Variants in DTNA observed in about 807,000 individuals in gnomAD.
The protein encoded by DTNA is dystrobrevin alpha, also known as dystrophin-related protein 3.
In DTNA, 43 loss-of-function variants were observed where a neutral mutation model predicts 100.7. The ratio of observed to expected loss-of-function variants is 0.43; its 90% CI spans 0.33 to 0.55. The LOEUF is 0.55. DTNA is among the 20% of genes least tolerant of loss of function. The pLI, the probability that DTNA is intolerant of heterozygous loss-of-function variation, is 0.04. For missense variants in DTNA, 798 were observed against 953.9 expected (o/e 0.84, Z 2.15); for synonymous variants, 349 against 347.9 (o/e 1.00, Z -0.04).
At chr18:34,633,481 G>C (rs939225133) in intron 1 of DTNA, among the ~76,000 whole-genome samples, 1 of 151,974 alleles carries the variant, frequency 6.6e-6, no homozygotes, top group Non-Finnish European at 1.5e-5. Context: ...ACTGAATAAG[G>C]GATGTTACAA....
Position 34,650,519 on chromosome 18 carries a change from A to G in DTNA, c.-1-105457A>G, listed in dbSNP as rs566115724. Among the ~76,000 whole-genome samples, 4 of 152,172 alleles carry G rather than the reference A, an allele frequency of 2.6e-5. No individual in the cohort carries two copies. In the South Asian group the frequency reaches 8.3e-4, roughly 32 times the overall value. Reference sequence around the variant, plus strand: ...GGAAATTAGATCCTTTCCTTTTTCGACACTGTTAATCATCGTTTGAATTTG... The same window carrying G: ...GGAAATTAGATCCTTTCCTTTTTCGGCACTGTTAATCATCGTTTGAATTTG... On this transcript the variant is annotated intron_variant, in intron 1 of 19. Transcript: ENST00000283365.
At chr18:34,810,430 G>A (rs755101182) in intron 5 of DTNA, among the ~76,000 whole-genome samples, 6 of 151,642 alleles carry the variant, frequency 4.0e-5, no homozygotes, top group Non-Finnish European at 1.5e-5. Flanking sequence ...AATAAGTCAC[G>A]CACGGAAAGA....
chr18:34,617,620 C>T lies in DTNA; in HGVS notation c.-2+124106C>T, dbSNP rs116555647. 6.4e-3 allele frequency among the ~76,000 whole-genome samples: 977 copies of T among 152,152 alleles called. 7 individuals are homozygous for T. Among genetic ancestry groups the T allele is most frequent in the African/African-American group, 0.023 (940 of 41,508 alleles). ...GCGTCTTTGCCAGGTTTTGGTATCA[C>T]GATGATGCTGGTCTCACAGAATGAA... On this transcript the variant is annotated intron_variant, in intron 1 of 19. Transcript: ENST00000283365.
intron 1 of DTNA, among the ~76,000 whole-genome samples, chr18:34,727,180 G>C (rs543415113): frequency 6.6e-6 from 1 of 152,328 alleles, no homozygotes; most frequent in African/African-American, 2.4e-5. Context: ...AGGGCAGCAG[G>C]GTCCTGGGCC....
intron 1 of DTNA, among the ~76,000 whole-genome samples, chr18:34,544,830 C>T (rs561038598): frequency 6.6e-6 from 1 of 151,794 alleles, no homozygotes; most frequent in South Asian, 2.1e-4. Flanking sequence ...AGCCTGGAGA[C>T]TTGCAATGGG....
chr18:34,665,692 C>T lies in DTNA; in HGVS notation c.-1-90284C>T, dbSNP rs549399054. 1.4e-4 allele frequency among the ~76,000 whole-genome samples: 22 copies of T among 152,148 alleles called. No homozygotes were observed. The South Asian group carries it at 2.7e-3, about 19-fold the overall frequency. ...TGCAGTGTTTGGTTTTTTGTCCTTG[C>T]GATAGTTTGCTGAGAATGATGGTTT... On this transcript the variant is annotated intron_variant, in intron 1 of 19. Coordinates refer to the DTNA transcript ENST00000283365.
At chr18:34,525,769 C>T (rs1042555125) in intron 1 of DTNA, among the ~76,000 whole-genome samples, 1 of 152,030 alleles carries the variant, frequency 6.6e-6, no homozygotes, top group African/African-American at 2.4e-5. Flanking sequence ...GAGAATGTGA[C>T]CTATTTGGAC....
chr18:34,668,129 C>T (rs978013932), intron 1 of DTNA, among the ~76,000 whole-genome samples: 28 of 152,146 alleles, frequency 1.8e-4, no homozygotes, highest in Non-Finnish European at 1.8e-4. Flanking sequence ...TTCAGAGATT[C>T]AGCTTCTTCC....
upstream of DTNA, among the ~76,000 whole-genome samples, chr18:34,710,056 A>G (rs2082608015): frequency 6.6e-6 from 1 of 152,186 alleles, no homozygotes; most frequent in Admixed American, 6.5e-5. Flanking sequence ...GTTAGTTGGG[A>G]AACCTTTTAT....
At chr18:34,759,739 T>C (rs923855147) in intron 2 of DTNA, among the ~76,000 whole-genome samples, 3 of 152,222 alleles carry the variant, frequency 2.0e-5, no homozygotes, top group Non-Finnish European at 2.9e-5. Flanking sequence ...TGGAGTGCAG[T>C]GGCGCGATCT....
chr18:34,611,959 C>A (rs147820058), intron 1 of DTNA, among the ~76,000 whole-genome samples: 277 of 152,300 alleles, frequency 1.8e-3, no homozygotes, highest in Middle Eastern at 0.01. Flanking sequence ...TTTCACGGGG[C>A]TCATTGATGG....
chr18:34,513,391 AT>A (rs1450266839), intron 1 of DTNA: 31 of 152,304 alleles, frequency 2.0e-4, no homozygotes, highest in African/African-American at 7.5e-4. Flanking sequence ...AATATGGCAA[AT>A]TTCAAATACA....
intron 1 of DTNA, among the ~76,000 whole-genome samples, chr18:34,587,994 CAG>C (rs1318196349): frequency 6.6e-6 from 1 of 152,024 alleles, no homozygotes; most frequent in Non-Finnish European, 1.5e-5. Flanking sequence ...GAGAGAGACA[CAG>C]GGAAGGAAAT....
chr18:34,822,441 G>T (rs1178864068), intron 9 of DTNA: 1 of 152,260 alleles, frequency 6.6e-6, no homozygotes, highest in Non-Finnish European at 1.5e-5. Flanking sequence ...GCCTTCAACA[G>T]AGCTGCTGGG....
intron 17 of DTNA, chr18:34,867,745 C>T (rs888466694): frequency 2.0e-6 from 2 of 985,490 alleles, no homozygotes; most frequent in Non-Finnish European, 2.4e-6. Context: ...CCAGGAAGTT[C>T]GTAAACAGAT....
intron 1 of DTNA, among the ~76,000 whole-genome samples, chr18:34,689,132 A>T (rs1186896831): frequency 6.6e-6 from 1 of 152,074 alleles, no homozygotes; most frequent in Non-Finnish European, 1.5e-5. Context: ...CCACCTTCTG[A>T]AGCCTACTTC....
intron 10 of DTNA, among the ~76,000 whole-genome samples, chr18:34,828,838 A>G (rs2095925707): frequency 6.6e-6 from 1 of 152,144 alleles, no homozygotes; most frequent in African/African-American, 2.4e-5. Flanking sequence ...TTTTAGAATC[A>G]CCAGCAAATG....
chr18:34,585,208 T>C (rs1257645028), intron 1 of DTNA, among the ~76,000 whole-genome samples: 1 of 151,706 alleles, frequency 6.6e-6, no homozygotes, highest in East Asian at 1.9e-4. Flanking sequence ...AGTCCTAGGA[T>C]GACAGCTCAG....
At chr18:34,537,179 C>T (rs1183832219) in intron 1 of DTNA, among the ~76,000 whole-genome samples, 1 of 151,940 alleles carries the variant, frequency 6.6e-6, no homozygotes, top group African/African-American at 2.4e-5. Flanking sequence ...TTGTTAAACT[C>T]CTTCAGCTAA....
Sources: allele counts gnomAD v4.1 joint callset (sites outside exome capture counted in the v4.1 genomes callset), GRCh38; gene constraint gnomAD v4.1.1; transcripts MANE v1.5; gene names NCBI Gene and HGNC (gene_info 2026-07-23, HGNC 2026-07-21).